Variants in TRAF3 observed in about 807,000 individuals in gnomAD.
TRAF3 encodes the protein TNF receptor associated factor 3, also known as TNF receptor-associated factor 3.
A neutral mutation model predicts 62.3 loss-of-function variants in TRAF3; 13 were observed. The observed-to-expected ratio is 0.21, with a 90% CI of 0.14 to 0.33. The LOEUF (loss-of-function observed/expected upper bound fraction) is 0.33, where lower values mean the gene tolerates loss of function less well. TRAF3 is among the 10% of genes least tolerant of loss of function. TRAF3 has a pLI of 1.00. For synonymous variants in TRAF3, 269 were observed against 283.4 expected (o/e 0.95, Z 0.51); for missense variants, 440 against 741.8 (o/e 0.59, Z 4.73).
intron 3 of TRAF3, 58 bp from the exon 4 acceptor site, chr14:102,871,859 T>A: frequency 1.3e-6 from 2 of 1,534,192 alleles, no homozygotes; most frequent in East Asian, 4.5e-5. Context: ...CAGAATCTCC[T>A]GAGTCCTCTC....
intron 2 of TRAF3, among the ~76,000 whole-genome samples, chr14:102,863,287 C>T (rs935346903): frequency 6.6e-6 from 1 of 152,178 alleles, no homozygotes; most frequent in African/African-American, 2.4e-5. Context: ...TTGTTACAGT[C>T]ATTGTTTGTA....
intron 1 of TRAF3, among the ~76,000 whole-genome samples, chr14:102,778,691 T>C (rs973693086): frequency 6.6e-6 from 1 of 152,200 alleles, no homozygotes; most frequent in Non-Finnish European, 1.5e-5. Flanking sequence ...ATTCACGGCA[T>C]ACAACTGAAG....
intron 2 of TRAF3, among the ~76,000 whole-genome samples, chr14:102,852,929 T>C (rs1226024062): frequency 6.6e-6 from 1 of 152,154 alleles, no homozygotes; most frequent in Non-Finnish European, 1.5e-5. Context: ...AGTCTCACTC[T>C]GTCGCCCAGG....
intron 2 of TRAF3, among the ~76,000 whole-genome samples, chr14:102,832,849 G>C (rs1438432432): frequency 1.3e-5 from 2 of 152,116 alleles, no homozygotes; most frequent in Non-Finnish European, 1.5e-5. Flanking sequence ...TCTACAAAAT[G>C]AGATGTTGAA....
chr14:102,864,097 T>A (rs932199026), intron 2 of TRAF3, among the ~76,000 whole-genome samples: 15 of 152,232 alleles, frequency 9.9e-5, no homozygotes, highest in African/African-American at 3.4e-4. Context: ...AGTTTTTAAT[T>A]AGTTTTCCAA....
At chr14:102,816,432 C>T (rs1368402387) in intron 1 of TRAF3, among the ~76,000 whole-genome samples, 1 of 152,114 alleles carries the variant, frequency 6.6e-6, no homozygotes, top group Non-Finnish European at 1.5e-5. Context: ...CCCCACACAC[C>T]AGATTTTGAA....
chr14:102,887,224 ATG>A (rs573917577), intron 7 of TRAF3, among the ~76,000 whole-genome samples: 1 of 152,208 alleles, frequency 6.6e-6, no homozygotes, highest in Non-Finnish European at 1.5e-5. Flanking sequence ...GGCTCCCTGG[ATG>A]TGTGGTACGC....
rs1000210935 is a variant in TRAF3, at chr14:102,791,013, T to G, written c.-157+13338T>G. Reference sequence around the variant, plus strand: ...CCAATCCATGAACGTGAGATGTCTTTTCTTTTCTTTTTTTTTTTTTTTTCG... The same window carrying G: ...CCAATCCATGAACGTGAGATGTCTTGTCTTTTCTTTTTTTTTTTTTTTTCG... On this transcript the variant is annotated intron_variant, in intron 1 of 11. Transcript: ENST00000392745. Among the ~76,000 whole-genome samples, 7 of 151,712 alleles carry G rather than the reference T, an allele frequency of 4.6e-5. No homozygotes were observed. In the South Asian group the frequency reaches 8.3e-4, roughly 18 times the overall value.
chr14:102,783,078 C>A (rs534074695), intron 1 of TRAF3, among the ~76,000 whole-genome samples: 1 of 152,274 alleles, frequency 6.6e-6, no homozygotes, highest in African/African-American at 2.4e-5. Flanking sequence ...TTAGGCCTTC[C>A]CTCCTTCCAC....
chr14:102,798,740 G>T (rs1238889977), intron 1 of TRAF3, among the ~76,000 whole-genome samples: 1 of 152,150 alleles, frequency 6.6e-6, no homozygotes, highest in Non-Finnish European at 1.5e-5. Context: ...CTCCCAAATG[G>T]CCGGGATTAT....
chr14:102,864,019 A>G (rs959516948), intron 2 of TRAF3, among the ~76,000 whole-genome samples: 2 of 152,188 alleles, frequency 1.3e-5, no homozygotes, highest in Admixed American at 1.3e-4. Flanking sequence ...TTAAAATGCC[A>G]TGGAACTCGC....
chr14:102,875,952 CT>C lies in TRAF3; in HGVS notation c.402+225del, dbSNP rs559744718. 6.3e-3 allele frequency among the ~76,000 whole-genome samples: 965 copies of C among 152,058 alleles called. 15 individuals are homozygous for C. The highest frequency in any genetic ancestry group is 0.022 in the African/African-American group (907 of 41,342). On this transcript the variant is annotated intron_variant, in intron 5 of 11. Coordinates refer to ENST00000392745, the MANE Select transcript of TRAF3 (RefSeq NM_145725.3). Reference sequence around the variant, plus strand: ...AACTGGTTTTTAAACACTCCCCCCCCTACTTAGAATAGAGAAAATCTGAATT... The same window carrying C: ...AACTGGTTTTTAAACACTCCCCCCCCACTTAGAATAGAGAAAATCTGAATT...
rs538258155 is a variant in TRAF3, at chr14:102,869,975, A to T, written c.-17-210A>T. Among the ~76,000 whole-genome samples the T allele has an allele frequency of 2.0e-5, 3 of 152,102 alleles. No individual in the cohort carries two copies. In the South Asian group the frequency reaches 6.2e-4, roughly 32 times the overall value. On this transcript the variant is annotated intron_variant, in intron 2 of 11. Coordinates refer to ENST00000392745, the MANE Select transcript of TRAF3 (RefSeq NM_145725.3). ...TTTAGGAAGTTTTTTGAATAATAATATCAATAGTTACTATGTGTTTGGGTA... is the reference window on the plus strand; with the variant it reads ...TTTAGGAAGTTTTTTGAATAATAATTTCAATAGTTACTATGTGTTTGGGTA...
chr14:102,779,087 C>G (rs971854736), intron 1 of TRAF3, among the ~76,000 whole-genome samples: 2 of 152,094 alleles, frequency 1.3e-5, no homozygotes, highest in African/African-American at 4.8e-5. Context: ...GACTGGAAAT[C>G]CTGTGAGTGG....
intron 1 of TRAF3, among the ~76,000 whole-genome samples, chr14:102,800,610 G>A (rs149065206): frequency 1.3e-5 from 2 of 151,950 alleles, no homozygotes; most frequent in Non-Finnish European, 2.9e-5. Flanking sequence ...CTTATGTGAG[G>A]CTATTTATAA....
chr14:102,823,500 T>C (rs1182099976), intron 1 of TRAF3, among the ~76,000 whole-genome samples: 1 of 152,240 alleles, frequency 6.6e-6, no homozygotes, highest in Admixed American at 6.5e-5. Flanking sequence ...TGTTGAACTT[T>C]TAGATTTGGG....
rs148142166 is a variant in TRAF3 at position 102,806,441 on chromosome 14, G to C, written c.-156-23893G>C. Among the ~76,000 whole-genome samples the C allele has an allele frequency of 5.1e-3, 779 of 152,284 alleles. 10 individuals carry two copies. Among genetic ancestry groups the C allele is most frequent in the African/African-American group, 0.018 (762 of 41,544 alleles). Reference sequence around the variant, plus strand: ...ATTTACATCAAAACTTTGGTTAGCAGAATGGGAATTTTTGAGTAGATACCA... The same window carrying C: ...ATTTACATCAAAACTTTGGTTAGCACAATGGGAATTTTTGAGTAGATACCA... On this transcript the variant is annotated intron_variant, in intron 1 of 11. Transcript: ENST00000392745.
rs1484856225 is a variant in TRAF3 at position 102,822,727 on chromosome 14, C to T, written c.-156-7607C>T. On this transcript the variant is annotated intron_variant, in intron 1 of 11. Transcript: ENST00000392745. ...GCGGAAAACAGAAACACATGCTGGC[C>T]GGGCGCTGTGGCTTATGCCTGTAAT... 5.3e-5 allele frequency among the ~76,000 whole-genome samples: 8 copies of T among 152,152 alleles called. No homozygotes were observed. In the East Asian group the frequency reaches 1.2e-3, roughly 22 times the overall value.
At chr14:102,899,987 G>A (rs879726751) in intron 10 of TRAF3, among the ~76,000 whole-genome samples, 8 of 151,854 alleles carry the variant, frequency 5.3e-5, no homozygotes, top group South Asian at 2.1e-4. Context: ...AGACCATCCT[G>A]GCTAACACGG....
Sources: gnomAD v4.1 joint callset for allele counts (sites outside exome capture counted in the v4.1 genomes callset) on GRCh38, gnomAD v4.1.1 for gene constraint, MANE v1.5 for transcripts, NCBI Gene and HGNC (gene_info 2026-07-23, HGNC 2026-07-21) for gene names.